The following GRID1 variants were observed in gnomAD, a reference collection of about 807,000 sequenced individuals.
The protein encoded by GRID1 is glutamate ionotropic receptor delta type subunit 1.
GRID1 carries 28 observed loss-of-function variants against 98.0 expected under a neutral mutation model. That is an observed-to-expected ratio of 0.29 (90% CI 0.21 to 0.39). The LOEUF (loss-of-function observed/expected upper bound fraction) is 0.39. Among genes scored for constraint, GRID1 ranks in the 10% least tolerant of loss-of-function variants. The pLI is 1.00. For missense variants in GRID1, 1,111 were observed against 1,340.5 expected, an observed-to-expected ratio of 0.83 and a Z score of 2.67; for synonymous variants, 553 against 538.5, an observed-to-expected ratio of 1.03 and a Z score of -0.37.
chr10:85,987,725 G>A (rs1842630150), intron 4 of GRID1, among the ~76,000 whole-genome samples: 1 of 151,224 alleles, frequency 6.6e-6, no homozygotes, highest in South Asian at 2.1e-4. Context: ...CTCCTCCCAT[G>A]CCAGTGCCCT....
chr10:85,935,542 C>T (rs539694564), intron 4 of GRID1, among the ~76,000 whole-genome samples: 1 of 152,266 alleles, frequency 6.6e-6, no homozygotes, highest in East Asian at 1.9e-4. Context: ...GAGTGAATAA[C>T]AAGTATCTGT....
chr10:85,686,723 AT>A (rs1841273415), intron 12 of GRID1, among the ~76,000 whole-genome samples: 1 of 152,202 alleles, frequency 6.6e-6, no homozygotes, highest in East Asian at 1.9e-4. Context: ...AATATTTAAA[AT>A]AATCCTATAT....
At chr10:85,739,169 C>T (rs1841915742) in intron 8 of GRID1, among the ~76,000 whole-genome samples, 1 of 152,072 alleles carries the variant, frequency 6.6e-6, no homozygotes, top group African/African-American at 2.4e-5. Context: ...CACACACACA[C>T]ATACAATGAT....
At chr10:85,771,328 A>G (rs1842264412) in intron 8 of GRID1, among the ~76,000 whole-genome samples, 1 of 152,226 alleles carries the variant, frequency 6.6e-6, no homozygotes, top group African/African-American at 2.4e-5. Context: ...GGAAGCACTA[A>G]ACATGGAAAG....
intron 3 of GRID1, among the ~76,000 whole-genome samples, chr10:86,183,352 T>C (rs1023813098): frequency 1.3e-5 from 2 of 151,580 alleles, no homozygotes; most frequent in African/African-American, 4.9e-5. Flanking sequence ...ATTTATTTAT[T>C]TATTTATTTA....
intron 8 of GRID1, among the ~76,000 whole-genome samples, chr10:85,852,179 TAAC>T (rs1434099757): frequency 1.3e-4 from 20 of 152,302 alleles, no homozygotes; most frequent in African/African-American, 4.3e-4. Context: ...GGCAGACAGA[TAAC>T]AACCAGGATA....
intron 5 of GRID1, among the ~76,000 whole-genome samples, chr10:85,883,594 T>C (rs1324486745): frequency 6.6e-6 from 1 of 151,868 alleles, no homozygotes; most frequent in East Asian, 1.9e-4. Context: ...CTTGTTTTTT[T>C]CCGTCATGTA....
chr10:85,643,035 C>T (rs1400318915), intron 13 of GRID1, among the ~76,000 whole-genome samples: 1 of 152,096 alleles, frequency 6.6e-6, no homozygotes, highest in South Asian at 2.1e-4. Flanking sequence ...AAACAATTCC[C>T]CACCTAAATT....
chr10:85,797,984 T>C lies in GRID1; in HGVS notation c.1233+56512A>G, dbSNP rs549327596. ...TAGTGGTGCATAGTATTCCACAGTA[T>C]ATACATATACCACGTTTATCCAATC... On this transcript the variant is annotated intron_variant, in intron 8 of 15. Coordinates refer to ENST00000327946, the MANE Select transcript of GRID1 (RefSeq NM_017551.3). Among the ~76,000 whole-genome samples the C allele has an allele frequency of 5.3e-5, 8 of 152,344 alleles. No homozygotes were observed. In the South Asian group the frequency reaches 1.7e-3, roughly 32 times the overall value.
chr10:85,826,915 C>T (rs1842825297), intron 8 of GRID1, among the ~76,000 whole-genome samples: 1 of 152,126 alleles, frequency 6.6e-6, no homozygotes, highest in South Asian at 2.1e-4. Context: ...GTTGACTGAA[C>T]CCACATTATG....
intron 4 of GRID1, among the ~76,000 whole-genome samples, chr10:85,974,361 G>A (rs1349543828): frequency 6.6e-6 from 1 of 152,200 alleles, no homozygotes; most frequent in Non-Finnish European, 1.5e-5. Flanking sequence ...GGGGCTGTGT[G>A]AGGACTAAAT....
chr10:85,939,864 G>A (rs910836317), intron 4 of GRID1, among the ~76,000 whole-genome samples: 3 of 151,944 alleles, frequency 2.0e-5, no homozygotes, highest in South Asian at 4.2e-4. Flanking sequence ...TCAGGAGTTC[G>A]AGACCAGCCT....
intron 14 of GRID1, among the ~76,000 whole-genome samples, chr10:85,614,764 G>A (rs1357555144): frequency 2.6e-5 from 4 of 152,092 alleles, no homozygotes; most frequent in Admixed American, 6.5e-5. Flanking sequence ...AGGCAGTTTC[G>A]ATTTCATCAT....
intron 12 of GRID1, among the ~76,000 whole-genome samples, chr10:85,686,951 T>C (rs1020220242): frequency 6.6e-6 from 1 of 152,076 alleles, no homozygotes; most frequent in African/African-American, 2.4e-5. Flanking sequence ...GAAATATACA[T>C]TCATAATTTT....
chr10:86,318,683 G>C (rs1308125735), intron 2 of GRID1, among the ~76,000 whole-genome samples: 1 of 152,172 alleles, frequency 6.6e-6, no homozygotes, highest in East Asian at 1.9e-4. Flanking sequence ...ACTCACCCTT[G>C]CTGAGACCCT....
At chr10:86,035,440 T>G (rs1843247271) in intron 4 of GRID1, among the ~76,000 whole-genome samples, 1 of 152,234 alleles carries the variant, frequency 6.6e-6, no homozygotes, top group African/African-American at 2.4e-5. Flanking sequence ...CTCTTGACTA[T>G]GAAAGCATGG....
intron 8 of GRID1, among the ~76,000 whole-genome samples, chr10:85,800,472 A>G (rs559013503): frequency 6.6e-6 from 1 of 152,092 alleles, no homozygotes; most frequent in Non-Finnish European, 1.5e-5. Context: ...AAGATCATAG[A>G]AAAATCCATA....
At chr10:85,628,982 G>T (rs1842942855) in intron 13 of GRID1, among the ~76,000 whole-genome samples, 1 of 152,128 alleles carries the variant, frequency 6.6e-6, no homozygotes, top group South Asian at 2.1e-4. Context: ...GTCCCAGAGA[G>T]GCGGCCCATG....
intron 6 of GRID1, among the ~76,000 whole-genome samples, chr10:85,868,519 C>T (rs908451367): frequency 2.0e-5 from 3 of 152,142 alleles, no homozygotes; most frequent in African/African-American, 4.8e-5. Flanking sequence ...GCTGTCCTGC[C>T]CCTCCCTGCT....
Sources: allele counts gnomAD v4.1 joint callset (sites outside exome capture counted in the v4.1 genomes callset), GRCh38; gene constraint gnomAD v4.1.1; transcripts MANE v1.5; gene names NCBI Gene and HGNC (gene_info 2026-07-23, HGNC 2026-07-21).